NRG1: variants seen among roughly 807,000 people sequenced by gnomAD.
NRG1 encodes pro-neuregulin-1, membrane-bound isoform.
NRG1 carries 18 observed loss-of-function variants against 63.8 expected under a neutral mutation model. That is an observed-to-expected ratio of 0.28 (90% confidence interval 0.19 to 0.42). NRG1 has a LOEUF of 0.42. NRG1 is among the 10% of genes least tolerant of loss of function. NRG1 has a pLI of 1.00. For synonymous variants in NRG1, 302 were observed against 301.3 expected, an observed-to-expected ratio of 1.00 and a Z score of -0.02; for missense variants, 762 against 814.7, an observed-to-expected ratio of 0.94 and a Z score of 0.79.
At chr8:31,811,548 C>T (rs1822889759) in intron 1 of NRG1, among the ~76,000 whole-genome samples, 1 of 152,000 alleles carries the variant, frequency 6.6e-6, no homozygotes, top group African/African-American at 2.4e-5. Context: ...GTCTTCTTTG[C>T]CTCTATTGTA....
intron 1 of NRG1, among the ~76,000 whole-genome samples, chr8:32,334,990 C>T (rs915323667): frequency 2.6e-5 from 4 of 152,020 alleles, no homozygotes; most frequent in Admixed American, 6.6e-5. Flanking sequence ...CAGCCCTGCA[C>T]GTCCAGTGTT....
chr8:31,924,271 A>G (rs1159299537), intron 1 of NRG1, among the ~76,000 whole-genome samples: 3 of 151,888 alleles, frequency 2.0e-5, no homozygotes, highest in African/African-American at 7.3e-5. Flanking sequence ...AGGTCGCTTG[A>G]ACCCAGGAGG....
intron 1 of NRG1, among the ~76,000 whole-genome samples, chr8:32,072,056 A>G (rs1039001028): frequency 4.6e-5 from 7 of 152,176 alleles, no homozygotes; most frequent in African/African-American, 1.7e-4. Flanking sequence ...TTCTTATGAA[A>G]AGATATGCCA....
intron 1 of NRG1, among the ~76,000 whole-genome samples, chr8:31,899,758 A>G (rs183257275): frequency 3.9e-4 from 60 of 152,356 alleles, no homozygotes; most frequent in Admixed American, 2.6e-3. Flanking sequence ...ATTCCATTAT[A>G]AAAACACATA....
intron 1 of NRG1, among the ~76,000 whole-genome samples, chr8:32,235,764 T>C (rs1586280801): frequency 6.6e-6 from 1 of 152,186 alleles, no homozygotes; most frequent in Admixed American, 6.6e-5. Context: ...TGTAGTGATC[T>C]AGATTTGGTT....
At chr8:31,793,049 T>C (rs1797066016) in intron 1 of NRG1, among the ~76,000 whole-genome samples, 2 of 152,184 alleles carry the variant, frequency 1.3e-5, no homozygotes, top group African/African-American at 4.8e-5. Flanking sequence ...ACCAATCATA[T>C]CTGAATTAGA....
intron 5 of NRG1, among the ~76,000 whole-genome samples, chr8:32,632,561 A>AAG (rs1850538567): frequency 6.6e-6 from 1 of 151,818 alleles, no homozygotes; most frequent in Non-Finnish European, 1.5e-5. Context: ...AAAAAAAAAA[A>AAG]AAAAAATGGA....
intron 1 of NRG1, among the ~76,000 whole-genome samples, chr8:32,588,898 C>T (rs1287044920): frequency 1.3e-5 from 2 of 152,200 alleles, no homozygotes; most frequent in Non-Finnish European, 2.9e-5. Context: ...TCCATTCCAG[C>T]TCACAGGGAA....
At chr8:32,763,021 C>T (rs1165625891) in intron 11 of NRG1, among the ~76,000 whole-genome samples, 2 of 152,130 alleles carry the variant, frequency 1.3e-5, no homozygotes, top group African/African-American at 4.8e-5. Context: ...TTGGACATAA[C>T]CTCCATTGTG....
Position 31,640,772 on chromosome 8 carries a change from G to A in NRG1, c.37+1341G>A. The A allele has an allele frequency of 1.4e-6, 2 of 1,451,304 alleles. No homozygotes were observed. The highest frequency in any genetic ancestry group is 1.5e-5 in the African/African-American group (1 of 68,240). 89.9% of individuals were successfully genotyped at this position (1,451,304 alleles called of 1,614,324 possible). A position where few individuals can be genotyped will look rare whatever the true frequency, so the allele number is the denominator to read the frequency against. ...GGGGGCGCGAACCCGCGGCGAGGAG[G>A]GCGCATCCCGGGCGCGCGGGCAGCG... is the stretch of plus-strand genomic sequence containing the variant. On this transcript the variant is annotated intron_variant, in intron 1 of 10. Coordinates refer to the NRG1 transcript ENST00000519301. The surrounding 1 kb of genome is among the most constrained non-coding windows in gnomAD (Gnocchi z 6.3).
intron 1 of NRG1, among the ~76,000 whole-genome samples, chr8:31,912,011 C>T (rs1030286568): frequency 6.6e-6 from 1 of 152,098 alleles, no homozygotes; most frequent in Non-Finnish European, 1.5e-5. Context: ...CATTCTGACC[C>T]CTAATTTCCT....
At chr8:31,836,496 A>G (rs1825699937) in intron 1 of NRG1, among the ~76,000 whole-genome samples, 1 of 152,156 alleles carries the variant, frequency 6.6e-6, no homozygotes. Flanking sequence ...ATTCAGATAT[A>G]TTAAGTATTT....
exon 11 of NRG1, chr8:32,760,206 C>T (rs1335290070): frequency 9.3e-6 from 15 of 1,613,808 alleles, no homozygotes; most frequent in African/African-American, 1.3e-5. Context: ...GCAGCTGGAG[C>T]AACGGACACA....
intron 1 of NRG1, among the ~76,000 whole-genome samples, chr8:32,449,991 C>T (rs1820757943): frequency 6.6e-6 from 1 of 152,120 alleles, no homozygotes; most frequent in South Asian, 2.1e-4. Context: ...AACAGGCTGG[C>T]AAGAGAAGAG....
intron 1 of NRG1, among the ~76,000 whole-genome samples, chr8:32,217,821 C>A (rs1845401038): frequency 6.6e-6 from 1 of 152,106 alleles, no homozygotes; most frequent in Non-Finnish European, 1.5e-5. Flanking sequence ...CAAAACAGTC[C>A]TGCCCCCATG....
intron 1 of NRG1, among the ~76,000 whole-genome samples, chr8:31,843,455 G>A (rs979051155): frequency 3.3e-5 from 5 of 152,096 alleles, no homozygotes; most frequent in Admixed American, 1.3e-4. Flanking sequence ...ACTAGTGGTG[G>A]CCTACTTCTC....
At chr8:31,756,100 T>C (rs564155477) in intron 1 of NRG1, among the ~76,000 whole-genome samples, 3 of 152,262 alleles carry the variant, frequency 2.0e-5, no homozygotes, top group Admixed American at 6.5e-5. Flanking sequence ...CTTACAGTCA[T>C]AGCATCTTCA....
At chr8:32,055,522 A>G (rs1822766352) in intron 1 of NRG1, among the ~76,000 whole-genome samples, 1 of 152,202 alleles carries the variant, frequency 6.6e-6, no homozygotes, top group African/African-American at 2.4e-5. Context: ...GATTACAGTA[A>G]GGCAAAGCAT....
chr8:32,059,143 G>C (rs1434147514), intron 1 of NRG1, among the ~76,000 whole-genome samples: 3 of 151,830 alleles, frequency 2.0e-5, no homozygotes, highest in Admixed American at 6.6e-5. Context: ...TCAAATAAAT[G>C]TTTTTTTCCT....
Sources: gnomAD v4.1 joint callset for allele counts (sites outside exome capture counted in the v4.1 genomes callset) on GRCh38, gnomAD v4.1.1 for gene constraint, Gnocchi (gnomAD v3.1) non-coding constraint, MANE v1.5 for transcripts, NCBI Gene and HGNC (gene_info 2026-07-23, HGNC 2026-07-21) for gene names.